TMEM183A: variants seen among roughly 807,000 people sequenced by gnomAD.
TMEM183A encodes the protein transmembrane protein 183A, also known as chromosome 1 open reading frame 37.
A neutral mutation model predicts 46.7 loss-of-function variants in TMEM183A; 21 were observed. That is an observed-to-expected ratio of 0.45 (90% CI 0.32 to 0.65). The LOEUF (loss-of-function observed/expected upper bound fraction) is 0.65, where lower values mean the gene tolerates loss of function less well. Among genes scored for constraint, TMEM183A ranks in the 30% least tolerant of loss-of-function variants. The pLI, the probability that TMEM183A is intolerant of heterozygous loss-of-function variation, is 0.04. For missense variants in TMEM183A, 331 were observed against 481.9 expected (o/e 0.69, Z 2.93); for synonymous variants, 165 against 180.2 (o/e 0.92, Z 0.68).
intron 5 of TMEM183A, chr1:203,017,944 C>T (rs1657320687): frequency 1.0e-6 from 1 of 986,186 alleles, no homozygotes; most frequent in Admixed American, 6.1e-5. Flanking sequence ...GTGCTTAACC[C>T]TAGCTGTAGC....
intron 3 of TMEM183A, among the ~76,000 whole-genome samples, chr1:203,010,477 C>A (rs758434437): frequency 1.3e-5 from 2 of 151,962 alleles, no homozygotes; most frequent in African/African-American, 4.8e-5. Context: ...TAGGGCTGCT[C>A]GACCAATAAG....
At position 203,021,078 on chromosome 1, in the gene TMEM183A, C is replaced by T. The variant is rs1184918780; in HGVS notation, c.945+130C>T. ...ACGTGGTCTCACTCTGTCACTCAGGCTGAAGTGCAGTGATGGAATCATCAC... is the reference window on the plus strand; with the variant it reads ...ACGTGGTCTCACTCTGTCACTCAGGTTGAAGTGCAGTGATGGAATCATCAC... On this transcript the variant is annotated intron_variant, in intron 7 of 7. Coordinates refer to ENST00000367242, the MANE Select transcript of TMEM183A (RefSeq NM_138391.6). 5 of 1,057,290 alleles carry T rather than the reference C, an allele frequency of 4.7e-6. No homozygotes were observed. In the Admixed American group the frequency reaches 1.5e-4, roughly 31 times the overall value. The allele number at this position is 1,057,290 out of a possible 1,614,324, so 65.5% of individuals were successfully genotyped here. A position where few individuals can be genotyped will look rare whatever the true frequency, so the allele number is the denominator to read the frequency against.
At chr1:203,017,488 G>T (rs1240642120) in intron 5 of TMEM183A, among the ~76,000 whole-genome samples, 3 of 152,060 alleles carry the variant, frequency 2.0e-5, no homozygotes, top group African/African-American at 7.3e-5. Context: ...TTTTTAAAGT[G>T]GACTGTAAAA....
intron 7 of TMEM183A, 79 bp downstream of exon 7, chr1:203,021,027 CTTTTT>C (rs869177251): frequency 2.6e-4 from 181 of 697,112 alleles, no homozygotes; most frequent in East Asian, 1.2e-3. Flanking sequence ...AACCGCAGCT[CTTTTT>C]TTTTTTTTTT....
chr1:203,022,018 T>A (rs897234857), intron 7 of TMEM183A, among the ~76,000 whole-genome samples: 4 of 152,194 alleles, frequency 2.6e-5, no homozygotes, highest in African/African-American at 9.7e-5. Flanking sequence ...GTATGTACTC[T>A]CTCTCTCTCA....
intron 3 of TMEM183A, among the ~76,000 whole-genome samples, chr1:203,014,625 A>G (rs965608174): frequency 5.6e-5 from 2 of 35,552 alleles, no homozygotes; most frequent in Admixed American, 5.7e-4. Flanking sequence ...ACTCTGTCCC[A>G]AAAAAAAAAA....
chr1:203,007,668 G>T, intron 1 of TMEM183A, 94 bp downstream of exon 1: 1 of 1,545,580 alleles, frequency 6.5e-7, no homozygotes, highest in Admixed American at 1.9e-5. Flanking sequence ...CGTGCCCGCG[G>T]CTGGAGGGCG....
At chr1:203,007,731 AC>A (rs1354012026) in intron 1 of TMEM183A, 42 bp from the exon 2 acceptor site, 1 of 1,608,226 alleles carries the variant, frequency 6.2e-7, no homozygotes, top group Non-Finnish European at 8.5e-7. Context: ...GAAGACGCTG[AC>A]GAGAGAAGGC....
chr1:203,010,124 G>A lies in TMEM183A; in HGVS notation c.367+1314G>A, dbSNP rs139539578. ...ACCACATCTCCAGCCTGGTGACAGAGCAAGACTCTGTCTCAAAAAAAAAAA... is the reference window on the plus strand; with the variant it reads ...ACCACATCTCCAGCCTGGTGACAGAACAAGACTCTGTCTCAAAAAAAAAAA... On this transcript the variant is annotated intron_variant, in intron 3 of 7. Transcript: ENST00000367242. Among the ~76,000 whole-genome samples, 1,219 of 141,432 alleles carry A rather than the reference G, an allele frequency of 8.6e-3. 24 individuals are homozygous for A. Among genetic ancestry groups the A allele is most frequent in the African/African-American group, 0.031 (1,178 of 37,580 alleles). 92.8% of individuals were successfully genotyped at this position (141,432 alleles called of 152,430 possible).
At chr1:203,017,941 A>T in intron 5 of TMEM183A, 1 of 986,222 alleles carries the variant, frequency 1.0e-6, no homozygotes, top group Non-Finnish European at 1.2e-6. Flanking sequence ...CTTGTGCTTA[A>T]CCCTAGCTGT....
chr1:203,014,909 G>A lies in TMEM183A; in HGVS notation c.388G>A (p.Gly130Arg), dbSNP rs1657019831. The A allele has an allele frequency of 1.2e-6, 2 of 1,613,758 alleles. No individual in the cohort carries two copies. Among genetic ancestry groups the A allele is most frequent in the East Asian group, 2.2e-5 (1 of 44,872 alleles). The change falls in exon 4 of 8, where the codon GGA becomes AGA. Residue 130 changes from glycine (G) to arginine (R), a missense_variant. Coordinates refer to ENST00000367242, the MANE Select transcript of TMEM183A (RefSeq NM_138391.6). ...RHKEELDGAG[G>R]EEYPMDIWLL... Reference sequence around the variant, plus strand: ...TTCAGAAGAACTGGACGGGGCTGGAGGAGAAGAGTATCCCATGGATATTTG... The same window carrying A: ...TTCAGAAGAACTGGACGGGGCTGGAAGAGAAGAGTATCCCATGGATATTTG...
In TMEM183A at chr1:203,012,179, C is replaced by CACAT. The variant is rs1450899154; in HGVS notation, c.368-2707_368-2706insTACA. Among the ~76,000 whole-genome samples the CACAT allele has an allele frequency of 3.8e-5, 5 of 130,114 alleles. No individual in the cohort carries two copies. The East Asian group carries it at 1.1e-3, about 27-fold the overall frequency. The allele number at this position is 130,114 out of a possible 152,430, so 85.4% of individuals were successfully genotyped here. ...ACACACACACACACACACACACACA[C>CACAT]ACACACGGTTATTTTGAAACGGCCA... On this transcript the variant is annotated intron_variant, in intron 3 of 7. Coordinates refer to ENST00000367242, the MANE Select transcript of TMEM183A (RefSeq NM_138391.6).
Position 203,020,905 on chromosome 1 carries a change from A to G in TMEM183A, c.902A>G (p.Asn301Ser). The G allele has an allele frequency of 6.2e-7, 1 of 1,611,092 alleles. No individual in the cohort carries two copies. The highest frequency in any genetic ancestry group is 8.5e-7 in the Non-Finnish European group (1 of 1,179,510). ...TGCCTACTGCAGGTCACCACCCTCA[A>G]TTTCATCTTTATTCCGATTGTCATG... is the stretch of plus-strand genomic sequence containing the variant. ...DCCLLQVTTL[N>S]FIFIPIVMGM... is the part of the protein sequence containing the mutation. Residue 301 changes from asparagine (N) to serine (S), a missense_variant, in exon 7 of 8, where the codon AAT (asparagine) becomes AGT (serine). This residue lies in a region of TMEM183A where 233 missense variants were observed against 385.8 expected (regional missense o/e 0.60). Transcript: ENST00000367242.
At chr1:203,016,186 G>A in intron 5 of TMEM183A, 46 bp downstream of exon 5, 1 of 1,612,100 alleles carries the variant, frequency 6.2e-7, no homozygotes, top group South Asian at 1.1e-5. Flanking sequence ...ACTCTTGTAT[G>A]GTAGGCCTGT....
At chr1:203,007,996 T>TG (rs1656145731) in intron 2 of TMEM183A, 133 bp downstream of exon 2, 4 of 1,093,608 alleles carry the variant, frequency 3.7e-6, no homozygotes, top group Non-Finnish European at 3.9e-6. Flanking sequence ...ACTTACATAT[T>TG]GGGGTGGAGG....
At chr1:203,017,905 C>T in intron 5 of TMEM183A, 2 of 986,322 alleles carry the variant, frequency 2.0e-6, no homozygotes, top group Non-Finnish European at 2.4e-6. Flanking sequence ...CGACCCACCC[C>T]TTATCCCCTG....
chr1:203,010,414 A>G (rs1656455497), intron 3 of TMEM183A, among the ~76,000 whole-genome samples: 1 of 152,336 alleles, frequency 6.6e-6, no homozygotes, highest in Non-Finnish European at 1.5e-5. Context: ...GAGCAATGAC[A>G]TGATGCTGAA....
chr1:203,020,530 G>A (rs570729952), intron 6 of TMEM183A, among the ~76,000 whole-genome samples: 1 of 152,310 alleles, frequency 6.6e-6, no homozygotes, highest in East Asian at 1.9e-4. Context: ...GGTAGAGGCT[G>A]TAAGTTTCCA....
At chr1:203,018,044 C>T (rs993046253) in intron 5 of TMEM183A, 2 of 754,302 alleles carry the variant, frequency 2.7e-6, no homozygotes, top group Non-Finnish European at 3.2e-6. Context: ...AGGTCCTGAG[C>T]AGTTTGCTTC....
Sources: gnomAD v4.1 joint callset for allele counts (sites outside exome capture counted in the v4.1 genomes callset) on GRCh38, gnomAD v4.1.1 for gene constraint, gnomAD v4.1.1 regional missense constraint, MANE v1.5 for transcripts, NCBI Gene and HGNC (gene_info 2026-07-23, HGNC 2026-07-21) for gene names.